Variants in ZNF143 observed in about 807,000 individuals in gnomAD.
ZNF143 encodes the protein zinc finger protein 143, also known as SPH-binding factor.
Under a neutral mutation model 74.1 loss-of-function variants are expected in ZNF143, and 49 were observed. That is an observed-to-expected ratio of 0.66 (90% CI 0.53 to 0.84). The LOEUF (loss-of-function observed/expected upper bound fraction) is 0.84. Ranked by LOEUF, ZNF143 falls within the 40% of genes least tolerant of loss-of-function variation. The pLI, the probability that ZNF143 is intolerant of heterozygous loss-of-function variation, is 0.00. For missense variants in ZNF143, 637 were observed against 793.4 expected (o/e 0.80, Z 2.37); for synonymous variants, 304 against 282.8 (o/e 1.07, Z -0.75).
At chr11:9,511,837 T>C (rs941312683) in intron 12 of ZNF143, among the ~76,000 whole-genome samples, 5 of 147,876 alleles carry the variant, frequency 3.4e-5, no homozygotes, top group Non-Finnish European at 6.0e-5. Flanking sequence ...CTGCAACCTC[T>C]GCCTCCCGGG....
rs1346139928 is a variant in ZNF143 at position 9,508,756 on chromosome 11, A to T, written c.1285A>T (p.Ile429Phe). The change falls in exon 12 of 16, where the codon ATC becomes TTC. Residue 429 changes from isoleucine (I) to phenylalanine (F), a missense_variant. Ile to Phe is a conservative substitution (Grantham distance 21). Coordinates refer to ENST00000396602, the MANE Select transcript of ZNF143 (RefSeq NM_003442.6). Reference protein sequence around the residue: ...CNHCGKTYKQISTLAMHKRTA... With the variant: ...CNHCGKTYKQFSTLAMHKRTA... ...CCACTGTGGGAAGACATACAAGCAG[A>T]TCTCCACGCTGGCCATGCACAAACG... 1 of 1,613,518 alleles carries T rather than the reference A, an allele frequency of 6.2e-7. No individual in the cohort carries two copies. The highest frequency in any genetic ancestry group is 8.5e-7 in the Non-Finnish European group (1 of 1,179,722).
intron 5 of ZNF143, among the ~76,000 whole-genome samples, chr11:9,476,035 A>T (rs138745018): frequency 8.6e-5 from 13 of 152,036 alleles, no homozygotes; most frequent in African/African-American, 2.9e-4. Flanking sequence ...ATTTGAAGCA[A>T]ATACAGCAAA....
Position 9,524,103 on chromosome 11 carries a change from C to T in ZNF143, c.1687-1137C>T, listed in dbSNP as rs535483005. ...AGTTTATACAAAGATTTGGGGGCTT[C>T]CCACTCAAATTCTTTGCTTTCTGGG... is the stretch of plus-strand genomic sequence containing the variant. On this transcript the variant is annotated intron_variant, in intron 14 of 15. Transcript: ENST00000396602. Among the ~76,000 whole-genome samples, 7 of 151,150 alleles carry T rather than the reference C, an allele frequency of 4.6e-5. No homozygotes were observed. In the East Asian group the frequency reaches 9.8e-4, roughly 21 times the overall value.
intron 13 of ZNF143, among the ~76,000 whole-genome samples, chr11:9,515,885 T>G (rs901209035): frequency 1.6e-4 from 25 of 151,560 alleles, no homozygotes; most frequent in African/African-American, 6.1e-4. Flanking sequence ...CTTAAGAGGA[T>G]GAGGCTAGAG....
At chr11:9,491,647 A>G (rs530624824) in intron 7 of ZNF143, among the ~76,000 whole-genome samples, 1 of 152,014 alleles carries the variant, frequency 6.6e-6, no homozygotes, top group African/African-American at 2.4e-5. Context: ...CAAAAAAAAA[A>G]AAGACAGGTG....
chr11:9,488,090 C>G (rs573854613), intron 7 of ZNF143, among the ~76,000 whole-genome samples: 1 of 152,066 alleles, frequency 6.6e-6, no homozygotes, highest in African/African-American at 2.4e-5. Context: ...AGTTCTCTTT[C>G]TAAAACGCAG....
Position 9,478,424 on chromosome 11 carries a change from G to C in ZNF143, c.408G>C (p.Gln136His), listed in dbSNP as rs752308650. 6.2e-7 allele frequency: 1 copy of C among 1,614,096 alleles called. No individual in the cohort carries two copies. The highest frequency in any genetic ancestry group is 1.7e-5 in the Admixed American group (1 of 60,006). The change falls in exon 6 of 16, where the codon CAG becomes CAC. Residue 136 changes from glutamine to histidine, a missense_variant. Transcript: ENST00000396602. ...SYDQSALQAV[Q>H]LEDGTTAYIH... ...ACCAGAGTGCATTACAGGCGGTTCA[G>C]CTGGAAGATGGTACCACAGCTTATA... is the stretch of plus-strand genomic sequence containing the variant.
At chr11:9,473,776 G>A (rs1297699769) in intron 3 of ZNF143, 165 bp from the exon 4 acceptor site, 1 of 1,538,426 alleles carries the variant, frequency 6.5e-7, no homozygotes, top group Non-Finnish European at 8.7e-7. Context: ...GCTTTCTGTA[G>A]GATCACTGGA....
chr11:9,525,566 T>G (rs1372999617), intron 15 of ZNF143, 180 bp downstream of exon 15: 1 of 787,730 alleles, frequency 1.3e-6, no homozygotes, highest in Non-Finnish European at 2.1e-6. Flanking sequence ...CAGCACTTTG[T>G]TCTCTACCCA....
intron 12 of ZNF143, among the ~76,000 whole-genome samples, chr11:9,511,593 T>C (rs1469937750): frequency 6.6e-6 from 1 of 151,332 alleles, no homozygotes; most frequent in Non-Finnish European, 1.5e-5. Context: ...TGAGCCACCA[T>C]ACCCGGCCTT....
chr11:9,484,230 GT>G (rs1408236094), intron 7 of ZNF143, among the ~76,000 whole-genome samples: 9 of 147,540 alleles, frequency 6.1e-5, no homozygotes, highest in African/African-American at 2.3e-4. Flanking sequence ...GTCTTGCTTT[GT>G]TGCCCAGGCT....
chr11:9,489,935 C>T (rs1019850646), intron 7 of ZNF143, among the ~76,000 whole-genome samples: 4 of 152,132 alleles, frequency 2.6e-5, no homozygotes, highest in Admixed American at 6.5e-5. Flanking sequence ...AATCCAAACA[C>T]TTTGGGAGGC....
rs1020682387 is a variant in ZNF143 at position 9,497,712 on chromosome 11, A to G, written c.879A>G (p.Gly293=). The change falls in exon 10 of 16, where the codon GGA becomes GGG. Residue 293 remains glycine (G), a synonymous_variant. Coordinates refer to ENST00000396602, the MANE Select transcript of ZNF143 (RefSeq NM_003442.6). ...AAAGTCACGTCAGAACTCATACAGG[A>G]GAAAAGCCATATCGGTGTTCGGAAG... ...GLKSHVRTHT[G]EKPYRCSEDN... is the part of the protein sequence containing the mutation. The G allele has an allele frequency of 6.8e-6, 11 of 1,609,110 alleles. No individual in the cohort carries two copies. The African/African-American group carries it at 1.3e-4, about 20-fold the overall frequency.
At chr11:9,524,170 A>G (rs1348806325) in intron 14 of ZNF143, among the ~76,000 whole-genome samples, 1 of 151,682 alleles carries the variant, frequency 6.6e-6, no homozygotes, top group Non-Finnish European at 1.5e-5. Flanking sequence ...CCTGGACTCC[A>G]TTATCTTTAA....
chr11:9,497,828 C>CTTTTTTT (rs536473555), intron 10 of ZNF143, 28 bp downstream of exon 10: 7 of 1,046,836 alleles, frequency 6.7e-6, no homozygotes, highest in Admixed American at 3.7e-5. Context: ...GTGTCAAAAT[C>CTTTTTTT]TTTTTTTTTT....
chr11:9,506,168 C>T (rs1848357940), intron 11 of ZNF143, among the ~76,000 whole-genome samples: 1 of 151,930 alleles, frequency 6.6e-6, no homozygotes, highest in South Asian at 2.1e-4. Context: ...AATTCTCTAC[C>T]AAAAAATACA....
chr11:9,471,767 G>T (rs371899316), intron 2 of ZNF143, among the ~76,000 whole-genome samples: 2 of 152,086 alleles, frequency 1.3e-5, no homozygotes, highest in East Asian at 3.9e-4. Context: ...GGCCAGGCTG[G>T]TCTCAAACTC....
intron 10 of ZNF143, among the ~76,000 whole-genome samples, chr11:9,500,546 G>A (rs911797568): frequency 1.8e-4 from 27 of 151,736 alleles, no homozygotes; most frequent in South Asian, 2.1e-4. Flanking sequence ...CGATTCTCCC[G>A]CCTCAGCCTC....
intron 1 of ZNF143, chr11:9,461,970 G>C (rs1474157166): frequency 6.6e-6 from 1 of 152,224 alleles, no homozygotes; most frequent in Admixed American, 6.5e-5. Flanking sequence ...TTGTAGGTTC[G>C]AGATTGTGGT....
Sources: gnomAD v4.1 joint callset for allele counts (sites outside exome capture counted in the v4.1 genomes callset) on GRCh38, gnomAD v4.1.1 for gene constraint, MANE v1.5 for transcripts, NCBI Gene and HGNC (gene_info 2026-07-23, HGNC 2026-07-21) for gene names.